DPP10: variants seen among roughly 807,000 people sequenced by gnomAD.
DPP10 encodes inactive dipeptidyl peptidase 10.
In DPP10, 33 loss-of-function variants were observed where a neutral mutation model predicts 120.9. That is an observed-to-expected ratio of 0.27 (90% CI 0.21 to 0.37). The LOEUF is 0.37. DPP10 is among the 10% of genes least tolerant of loss of function. The probability of loss-of-function intolerance (pLI) is 1.00; values close to 1 mark genes in which losing one functional copy is unlikely to be tolerated. For missense variants in DPP10, 816 were observed against 942.8 expected (o/e 0.87, Z 1.76); for synonymous variants, 337 against 326.1 (o/e 1.03, Z -0.36).
At chr2:114,685,811 C>T (rs1699325210) in intron 1 of DPP10, among the ~76,000 whole-genome samples, 1 of 151,922 alleles carries the variant, frequency 6.6e-6, no homozygotes, top group South Asian at 2.1e-4. Flanking sequence ...CCCATTATTC[C>T]TTGTCCGTGT....
chr2:115,326,597 T>G (rs1021473801), intron 2 of DPP10, among the ~76,000 whole-genome samples: 3 of 152,036 alleles, frequency 2.0e-5, no homozygotes, highest in Non-Finnish European at 4.4e-5. Context: ...CCCATGCACC[T>G]TATTTACCCT....
chr2:115,275,523 T>G (rs983477149), intron 1 of DPP10, among the ~76,000 whole-genome samples: 42 of 152,226 alleles, frequency 2.8e-4, no homozygotes, highest in African/African-American at 1.0e-3. Context: ...AAGGGACTTT[T>G]CCAAGTTCAC....
chr2:115,363,154 G>T (rs1177034262), intron 3 of DPP10, among the ~76,000 whole-genome samples: 2 of 152,106 alleles, frequency 1.3e-5, no homozygotes, highest in East Asian at 3.9e-4. Context: ...CCTAGTTAAT[G>T]TGTGTATATA....
At chr2:115,315,842 T>C (rs2061767123) in intron 2 of DPP10, among the ~76,000 whole-genome samples, 2 of 152,196 alleles carry the variant, frequency 1.3e-5, no homozygotes, top group Middle Eastern at 3.2e-3. Context: ...TCCCCCTGGA[T>C]AATATGGATT....
chr2:115,142,145 A>G (rs1363415386), intron 1 of DPP10, among the ~76,000 whole-genome samples: 2 of 152,146 alleles, frequency 1.3e-5, no homozygotes, highest in Admixed American at 6.5e-5. Context: ...TATTTTATAT[A>G]TATAGACAGC....
intron 21 of DPP10, among the ~76,000 whole-genome samples, chr2:115,831,212 C>A (rs1688885559): frequency 6.6e-6 from 1 of 152,044 alleles, no homozygotes; most frequent in Non-Finnish European, 1.5e-5. Context: ...AAGAATTACA[C>A]AAGTTTAAAT....
chr2:115,256,894 G>A lies in DPP10; in HGVS notation c.61-52345G>A, dbSNP rs575310381. Reference sequence around the variant, plus strand: ...AGCAGCCAGGCCACATCTTGTACACGTGGCTGGTTAGAAATTTCTTCCCAC... The same window carrying A: ...AGCAGCCAGGCCACATCTTGTACACATGGCTGGTTAGAAATTTCTTCCCAC... On this transcript the variant is annotated intron_variant, in intron 1 of 25. Coordinates refer to ENST00000410059, the MANE Select transcript of DPP10 (RefSeq NM_020868.6). Among the ~76,000 whole-genome samples, 14 of 152,158 alleles carry A rather than the reference G, an allele frequency of 9.2e-5. No individual in the cohort carries two copies. In the South Asian group the frequency reaches 2.5e-3, roughly 27 times the overall value.
intron 3 of DPP10, among the ~76,000 whole-genome samples, chr2:115,458,113 CAA>C (rs2073725688): frequency 6.6e-6 from 1 of 152,062 alleles, no homozygotes; most frequent in African/African-American, 2.4e-5. Context: ...TTTCTAGAGA[CAA>C]AGAGCAGATT....
rs150025184 is a variant in DPP10, at chr2:115,387,955, G to A, written c.271+44043G>A. Reference sequence around the variant, plus strand: ...TGGTAAATGTGCACTGGGAGGTCAGGGACAACTTCTCTGGTGACCAAGTGA... The same window carrying A: ...TGGTAAATGTGCACTGGGAGGTCAGAGACAACTTCTCTGGTGACCAAGTGA... On this transcript the variant is annotated intron_variant, in intron 3 of 25. Transcript: ENST00000410059. Among the ~76,000 whole-genome samples, 13 of 152,172 alleles carry A rather than the reference G, an allele frequency of 8.5e-5. 1 individual carries two copies. Among genetic ancestry groups the A allele is most frequent in the African/African-American group, 3.1e-4 (13 of 41,522 alleles).
intron 7 of DPP10, among the ~76,000 whole-genome samples, chr2:115,709,095 G>C (rs562581884): frequency 1.3e-5 from 2 of 152,176 alleles, no homozygotes; most frequent in African/African-American, 4.8e-5. Context: ...GCAGATTTTC[G>C]AAGGGAGTGA....
At chr2:115,637,899 A>G (rs1329516963) in intron 5 of DPP10, among the ~76,000 whole-genome samples, 1 of 152,164 alleles carries the variant, frequency 6.6e-6, no homozygotes, top group Non-Finnish European at 1.5e-5. Flanking sequence ...ATCACATTCT[A>G]CTGGTATAAC....
At chr2:115,505,335 TTTAA>T in intron 4 of DPP10, among the ~76,000 whole-genome samples, 1 of 152,256 alleles carries the variant, frequency 6.6e-6, no homozygotes, top group African/African-American at 2.4e-5. Flanking sequence ...ATGACACTTG[TTTAA>T]TTATATGAAC....
chr2:115,189,390 T>G (rs1301783073), intron 1 of DPP10, among the ~76,000 whole-genome samples: 3 of 151,756 alleles, frequency 2.0e-5, no homozygotes, highest in Non-Finnish European at 4.4e-5. Context: ...GTGACTCAGG[T>G]CAAAGCAGGT....
intron 5 of DPP10, among the ~76,000 whole-genome samples, chr2:115,660,211 A>G (rs911896624): frequency 1.3e-5 from 2 of 152,184 alleles, no homozygotes; most frequent in African/African-American, 4.8e-5. Context: ...TTACAGATCT[A>G]TTGACATAAA....
chr2:115,731,733 T>G (rs2092915720), intron 8 of DPP10, among the ~76,000 whole-genome samples: 1 of 152,126 alleles, frequency 6.6e-6, no homozygotes, highest in Non-Finnish European at 1.5e-5. Flanking sequence ...GGGACCTAAA[T>G]TGTCAGACTT....
intron 15 of DPP10, 61 bp from the exon 16 acceptor site, chr2:115,780,813 C>G (rs1348938823): frequency 1.3e-6 from 2 of 1,489,730 alleles, no homozygotes; most frequent in East Asian, 4.6e-5. Flanking sequence ...ATATGAACAC[C>G]ACACATTCAA....
At chr2:114,479,324 T>C (rs141439181) in intron 1 of DPP10, among the ~76,000 whole-genome samples, 6 of 152,264 alleles carry the variant, frequency 3.9e-5, no homozygotes, top group African/African-American at 1.4e-4. Flanking sequence ...TGAGGAATCA[T>C]TCTACCTGTT....
At chr2:114,879,453 T>G (rs1420347471) in intron 1 of DPP10, among the ~76,000 whole-genome samples, 1 of 152,180 alleles carries the variant, frequency 6.6e-6, no homozygotes, top group Non-Finnish European at 1.5e-5. Flanking sequence ...CTTAGTAGTC[T>G]CCAAGAAATT....
intron 3 of DPP10, among the ~76,000 whole-genome samples, chr2:115,441,817 CTTTTTTT>C (rs561102084): frequency 1.0e-4 from 13 of 124,474 alleles, no homozygotes; most frequent in East Asian, 4.6e-4. Flanking sequence ...TTCTTTCTTT[CTTTTTTT>C]TTTTTTTTTT....
Sources: allele counts gnomAD v4.1 joint callset (sites outside exome capture counted in the v4.1 genomes callset), GRCh38; gene constraint gnomAD v4.1.1; transcripts MANE v1.5; gene names NCBI Gene and HGNC (gene_info 2026-07-23, HGNC 2026-07-21).